ZNF324B: variants seen among roughly 807,000 people sequenced by gnomAD.
The protein encoded by ZNF324B is zinc finger protein 324B.
ZNF324B carries 7 observed loss-of-function variants against 10.6 expected under a neutral mutation model. The ratio of observed to expected loss-of-function variants is 0.66; its 90% CI spans 0.38 to 1.24. The LOEUF (loss-of-function observed/expected upper bound fraction) is 1.24. Ranked by LOEUF, ZNF324B falls within the 50% of genes most tolerant of loss-of-function variation. ZNF324B has a pLI of 0.02. For missense variants in ZNF324B, 640 were observed against 764.7 expected (o/e 0.84, Z 1.92); for synonymous variants, 316 against 321.0 (o/e 0.98, Z 0.17).
At chr19:58,442,988 C>A in the ZNF324B span, 1 of 32,078 alleles carries the variant, frequency 3.1e-5, no homozygotes, top group Non-Finnish European at 5.7e-5. Context: ...GCTGATTGGT[C>A]CATTATACAG....
At chr19:58,420,314 G>A in the ZNF324B span, among the ~76,000 whole-genome samples, 1 of 152,212 alleles carries the variant, frequency 6.6e-6, no homozygotes, top group South Asian at 2.1e-4. Flanking sequence ...AGCTACTTGG[G>A]AGGCTGAGGC....
At chr19:58,445,335 A>G in the ZNF324B span, 2 of 496,924 alleles carry the variant, frequency 4.0e-6, no homozygotes, top group African/African-American at 2.0e-5. Flanking sequence ...AGAGCAAAAA[A>G]TTGCAGCTCC....
chr19:58,450,974 T>C (rs1485005859), upstream of ZNF324B, among the ~76,000 whole-genome samples: 1 of 152,192 alleles, frequency 6.6e-6, no homozygotes, highest in Non-Finnish European at 1.5e-5. Context: ...GCTGGGGAAT[T>C]ACCTTCTGCT....
At chr19:58,445,873 G>A in the ZNF324B span, 6 of 187,998 alleles carry the variant, frequency 3.2e-5, no homozygotes, top group African/African-American at 4.8e-5. Flanking sequence ...AGTGGCTCAC[G>A]CCTGTAATCC....
At chr19:58,438,501 T>C in the ZNF324B span, among the ~76,000 whole-genome samples, 2 of 140,366 alleles carry the variant, frequency 1.4e-5, no homozygotes, top group Non-Finnish European at 3.0e-5. Context: ...TGAGACAGAG[T>C]CTCGCTCTGT....
chr19:58,455,649 C>G lies in ZNF324B; in HGVS notation c.705C>G (p.Leu235=), dbSNP rs1018281983. The change falls in exon 4 of 4, where the codon CTC becomes CTG. Residue 235 remains leucine, a synonymous_variant. Coordinates refer to ENST00000336614, the MANE Select transcript of ZNF324B (RefSeq NM_207395.3). This position sits in a 1 kb window ranked among gnomAD's most constrained non-coding sequence, Gnocchi z 7.0. ...GAAWQEPHRL[L]GGQEPSTWDE... The stretch of plus-strand genomic sequence containing the variant: ...CTTGGCAGGAGCCTCATAGACTCCT[C>G]GGTGGCCAGGAGCCCTCGACCTGGG... The G allele has an allele frequency of 1.2e-6, 2 of 1,613,554 alleles. No homozygotes were observed. Among genetic ancestry groups the G allele is most frequent in the African/African-American group, 2.7e-5 (2 of 74,922 alleles).
the ZNF324B span, chr19:58,437,896 C>A: frequency 1.4e-5 from 9 of 664,494 alleles, no homozygotes; most frequent in Non-Finnish European, 1.7e-5. Flanking sequence ...TCTCTTCCCT[C>A]TGATATCTTT....
chr19:58,440,949 G>A, the ZNF324B span: 1 of 152,534 alleles, frequency 6.6e-6, no homozygotes, highest in African/African-American at 2.4e-5. Context: ...CGATTGAGAA[G>A]TATCTGCCCC....
upstream of ZNF324B, among the ~76,000 whole-genome samples, chr19:58,446,932 G>C (rs1404039527): frequency 1.3e-5 from 2 of 148,778 alleles, no homozygotes; most frequent in African/African-American, 2.5e-5. Context: ...CCTTTCCTTT[G>C]CTTTCCTTTC....
intron 1 of ZNF324B, 62 bp from the exon 2 acceptor site, chr19:58,453,634 C>T (rs1006332592): frequency 6.2e-7 from 1 of 1,611,442 alleles, no homozygotes. Flanking sequence ...GGATGGGGAG[C>T]TTGGTCCTGG....
the ZNF324B span, chr19:58,432,401 C>A: frequency 2.2e-6 from 1 of 462,096 alleles, no homozygotes; most frequent in Non-Finnish European, 4.3e-6. Context: ...TGATGGGGAA[C>A]TATGGCTATT....
chr19:58,429,634 G>C, the ZNF324B span: 1 of 152,276 alleles, frequency 6.6e-6, no homozygotes, highest in Non-Finnish European at 1.5e-5. Context: ...CAAAGTGCTG[G>C]GATTATAGGC....
At chr19:58,427,435 C>CT in the ZNF324B span, among the ~76,000 whole-genome samples, 829 of 37,648 alleles carry the variant, frequency 0.022, 28 homozygotes, top group Non-Finnish European at 0.026. Flanking sequence ...TCCTTCCTTC[C>CT]TTCCTTCCTT....
chr19:58,431,533 C>G, the ZNF324B span, among the ~76,000 whole-genome samples: 2 of 152,144 alleles, frequency 1.3e-5, no homozygotes, highest in African/African-American at 4.8e-5. Context: ...GCAGCTAGGA[C>G]TATAGGTGTG....
the ZNF324B span, chr19:58,428,727 C>A: frequency 6.6e-6 from 1 of 152,232 alleles, no homozygotes; most frequent in Non-Finnish European, 1.5e-5. Flanking sequence ...CCTTATCTCA[C>A]TTGGCCATAG....
rs756345660 is a variant in ZNF324B, at chr19:58,451,632, T to G, written c.-79T>G. 3.9e-6 allele frequency: 2 copies of G among 517,404 alleles called. No homozygotes were observed. Among genetic ancestry groups the G allele is most frequent in the Admixed American group, 1.9e-5 (1 of 51,540 alleles). 32.1% of individuals were successfully genotyped at this position (517,404 alleles called of 1,614,324 possible). On this transcript the variant is annotated 5_prime_UTR_variant, in exon 1 of 4. Transcript: ENST00000336614. ...TCCGGCGTTGGGACTGTCACTTGGC[T>G]GCTCGCGTCAGGCCACACCGGTGGT...
the ZNF324B span, among the ~76,000 whole-genome samples, chr19:58,439,125 C>T: frequency 6.6e-6 from 1 of 152,140 alleles, no homozygotes; most frequent in African/African-American, 2.4e-5. Flanking sequence ...ATCAGGTAAT[C>T]CATGGCCCAG....
the ZNF324B span, among the ~76,000 whole-genome samples, chr19:58,424,927 T>A: frequency 2.0e-5 from 3 of 152,140 alleles, no homozygotes; most frequent in Non-Finnish European, 4.4e-5. Flanking sequence ...TGTACACAAA[T>A]GTTTATAGCA....
rs746919531 is a variant in ZNF324B at position 58,455,617 on chromosome 19, G to A, written c.673G>A (p.Gly225Ser). The part of the protein sequence containing the change: ...AASGGRDRRM[G>S]AAWQEPHRLL... ...CAGTGGTGGCAGGGATCGCAGAATG[G>A]GCGCAGCTTGGCAGGAGCCTCATAG... Residue 225 changes from glycine (G) to serine (S), a missense_variant, in exon 4 of 4, where the codon GGC (glycine) becomes AGC (serine). By Grantham distance (56) the Gly-to-Ser change is moderately conservative (BLOSUM62 0). Around this residue, in one of 3 missense-constraint regions of ZNF324B, gnomAD observed 345 missense variants for 387.9 expected, o/e 0.89. Transcript: ENST00000336614. This position sits in a 1 kb window ranked among gnomAD's most constrained non-coding sequence, Gnocchi z 7.0. 3.1e-6 allele frequency: 5 copies of A among 1,613,884 alleles called. No individual in the cohort carries two copies. The highest frequency in any genetic ancestry group is 4.2e-6 in the Non-Finnish European group (5 of 1,180,030).
Sources: allele counts gnomAD v4.1 joint callset (sites outside exome capture counted in the v4.1 genomes callset), GRCh38; gene constraint gnomAD v4.1.1; regional missense constraint gnomAD v4.1.1; non-coding constraint Gnocchi (gnomAD v3.1); transcripts MANE v1.5; gene names NCBI Gene and HGNC (gene_info 2026-07-23, HGNC 2026-07-21).